The following SEC24D variants were observed in gnomAD, a reference collection of about 807,000 sequenced individuals.
SEC24D encodes SEC24 homolog D, COPII component.
Under a neutral mutation model 116.9 loss-of-function variants are expected in SEC24D, and 69 were observed. The ratio of observed to expected loss-of-function variants is 0.59; its 90% CI spans 0.49 to 0.72. The LOEUF is 0.72. Ranked by LOEUF, SEC24D falls within the 30% of genes least tolerant of loss-of-function variation. SEC24D has a pLI of 0.00. For missense variants in SEC24D, 1,131 were observed against 1,264.1 expected, an observed-to-expected ratio of 0.89 and a Z score of 1.60; for synonymous variants, 405 against 442.8, an observed-to-expected ratio of 0.91 and a Z score of 1.07.
At position 118,740,926 on chromosome 4, in the gene SEC24D, A is replaced by G; in HGVS notation, c.2092+15T>C. The G allele has an allele frequency of 1.3e-6, 2 of 1,587,256 alleles. No individual in the cohort carries two copies. The highest frequency in any genetic ancestry group is 1.1e-5 in the South Asian group (1 of 89,090). On this transcript the variant is annotated intron_variant, in intron 16 of 22. Transcript: ENST00000280551. ...ATTCAAGAGAGACCCGAAGAATTGT[A>G]TAAATGATAATTACCTGTGCTGGTA... is the stretch of plus-strand genomic sequence containing the variant.
At chr4:118,739,083 T>G in intron 18 of SEC24D, 66 bp downstream of exon 18, 1 of 1,534,948 alleles carries the variant, frequency 6.5e-7, no homozygotes, top group Non-Finnish European at 9.0e-7. Flanking sequence ...GCTTTTTAGC[T>G]ACTGACAAAT....
Position 118,731,424 on chromosome 4 carries a change from T to C in SEC24D, c.2760A>G (p.Leu920=). ...ESRLSEEGIF[L]LANGLHMFLW... ...GGAACATGTGTAGACCATTAGCCAGTAAGAATATTCCTTCTTCTGAAAGAC... is the reference window on the plus strand; with the variant it reads ...GGAACATGTGTAGACCATTAGCCAGCAAGAATATTCCTTCTTCTGAAAGAC... Residue 920 remains leucine, a synonymous_variant, in exon 21 of 23, where the codon TTA becomes TTG. Coordinates refer to ENST00000280551, the MANE Select transcript of SEC24D (RefSeq NM_014822.4). 1.2e-6 allele frequency: 2 copies of C among 1,614,058 alleles called. No individual in the cohort carries two copies. Among genetic ancestry groups the C allele is most frequent in the Non-Finnish European group, 1.7e-6 (2 of 1,179,906 alleles).
chr4:118,797,597 TATAGA>T (rs979864196), intron 8 of SEC24D, 81 bp downstream of exon 8: 1 of 1,011,026 alleles, frequency 9.9e-7, no homozygotes, highest in Non-Finnish European at 1.4e-6. Context: ...CTGTTTATAT[TATAGA>T]ATAATGTATA....
intron 2 of SEC24D, among the ~76,000 whole-genome samples, chr4:118,831,968 G>T (rs1459040522): frequency 6.6e-6 from 1 of 152,130 alleles, no homozygotes; most frequent in Non-Finnish European, 1.5e-5. Flanking sequence ...CTTGGGAGGT[G>T]GAGGCGGGTG....
At chr4:118,751,447 G>C (rs1030637835) in intron 13 of SEC24D, among the ~76,000 whole-genome samples, 1 of 152,084 alleles carries the variant, frequency 6.6e-6, no homozygotes, top group African/African-American at 2.4e-5. Context: ...CAAGGTGCTG[G>C]GATTACAGGC....
Position 118,805,872 on chromosome 4 carries a change from AC to A in SEC24D, c.883del (p.Val295SerfsTer6). ...TNTRGQIPPLVTTDCMIQDQG... is the reference protein window; with the variant it reads ...TNTRGQIPPLXTTDCMIQDQG... ...GTCTTGTATCATGCAATCTGTAGTG[AC>A]CAGGGGAGGGATCTGGCCTCTGGTG... On this transcript the variant is annotated frameshift_variant, in exon 7 of 23. Transcript: ENST00000280551. LOFTEE classifies it high-confidence loss of function. The A allele has an allele frequency of 6.3e-7, 1 of 1,585,708 alleles. No homozygotes were observed. Among genetic ancestry groups the A allele is most frequent in the South Asian group, 1.2e-5 (1 of 83,822 alleles).
At chr4:118,771,162 T>C (rs1475997509) in intron 8 of SEC24D, among the ~76,000 whole-genome samples, 4 of 152,176 alleles carry the variant, frequency 2.6e-5, no homozygotes, top group African/African-American at 9.6e-5. Flanking sequence ...TCGATCTTGG[T>C]GTGCATGGCT....
rs757081338 is a variant in SEC24D at position 118,723,581 on chromosome 4, G to A, written c.3033C>T (p.Tyr1011=). 5.6e-6 allele frequency: 9 copies of A among 1,613,672 alleles called. No homozygotes were observed. The highest frequency in any genetic ancestry group is 2.2e-5 in the South Asian group (2 of 91,046). ...RQFLVEDKGL[Y]GGSSYVDFLC... ...GGAAATCCACATAAGAAGAGCCTCC[G>A]TAAAGTCCTTTGTCTTCTACCAGGA... The change falls in exon 23 of 23, where the codon TAC becomes TAT. Residue 1011 remains tyrosine (Y), a synonymous_variant. Transcript: ENST00000280551.
At chr4:118,830,844 T>C (rs1262727236) in intron 2 of SEC24D, among the ~76,000 whole-genome samples, 1 of 152,052 alleles carries the variant, frequency 6.6e-6, no homozygotes, top group East Asian at 1.9e-4. Context: ...AAGACAGTAT[T>C]GGAGAGAGGG....
intron 8 of SEC24D, among the ~76,000 whole-genome samples, chr4:118,791,830 A>T (rs1054986622): frequency 8.6e-5 from 13 of 152,014 alleles, no homozygotes; most frequent in African/African-American, 2.9e-4. Context: ...TCAGCGCTCA[A>T]TGTTGCCCAG....
At chr4:118,752,566 TAG>T (rs1298676571) in intron 12 of SEC24D, 129 bp downstream of exon 12, 3 of 621,308 alleles carry the variant, frequency 4.8e-6, no homozygotes, top group Non-Finnish European at 8.0e-6. Context: ...ACATAAATGA[TAG>T]AGTTTTATAA....
chr4:118,724,691 T>A (rs1445190908), intron 22 of SEC24D, among the ~76,000 whole-genome samples: 5 of 152,216 alleles, frequency 3.3e-5, no homozygotes, highest in African/African-American at 9.6e-5. Context: ...GGCAGTTTTG[T>A]CATGAACACT....
chr4:118,803,317 C>G (rs533998621), intron 7 of SEC24D, among the ~76,000 whole-genome samples: 2 of 152,278 alleles, frequency 1.3e-5, no homozygotes, highest in Admixed American at 1.3e-4. Context: ...CCTCAAAAAA[C>G]AAAAAGCTAT....
chr4:118,762,204 G>A (rs181553637), intron 10 of SEC24D, among the ~76,000 whole-genome samples: 144 of 151,992 alleles, frequency 9.5e-4, no homozygotes, highest in Non-Finnish European at 2.5e-4. Flanking sequence ...TCAGTTATAT[G>A]GCAAAGCTGA....
intron 10 of SEC24D, among the ~76,000 whole-genome samples, chr4:118,761,925 T>C (rs961150968): frequency 6.6e-6 from 1 of 152,214 alleles, no homozygotes; most frequent in Non-Finnish European, 1.5e-5. Context: ...TGAGTTTATA[T>C]GAAAACTATA....
intron 6 of SEC24D, among the ~76,000 whole-genome samples, chr4:118,809,127 C>A (rs1402964116): frequency 6.6e-6 from 1 of 152,142 alleles, no homozygotes; most frequent in Non-Finnish European, 1.5e-5. Flanking sequence ...GCATGCACTA[C>A]CACGCCCGGC....
chr4:118,793,110 C>T (rs1378723433), intron 8 of SEC24D, among the ~76,000 whole-genome samples: 1 of 152,050 alleles, frequency 6.6e-6, no homozygotes, highest in Non-Finnish European at 1.5e-5. Context: ...TAAATGTTCC[C>T]TGCCTGTGAC....
At chr4:118,802,648 AC>A (rs1173427097) in intron 7 of SEC24D, among the ~76,000 whole-genome samples, 3 of 152,284 alleles carry the variant, frequency 2.0e-5, no homozygotes, top group Non-Finnish European at 4.4e-5. Flanking sequence ...GATGACTGAG[AC>A]CCTGCCACCT....
rs1730147149 is a variant in SEC24D at position 118,816,361 on chromosome 4, A to C, written c.398-635T>G. On this transcript the variant is annotated intron_variant, in intron 4 of 22. Transcript: ENST00000280551. ...GCATCTGTATCTGGTACAAATCTAG[A>C]AAATCATATAAAAATTCTATTACAT... Among the ~76,000 whole-genome samples, 4 of 152,334 alleles carry C rather than the reference A, an allele frequency of 2.6e-5. No homozygotes were observed. The South Asian group carries it at 8.3e-4, about 32-fold the overall frequency.
Sources: allele counts gnomAD v4.1 joint callset (sites outside exome capture counted in the v4.1 genomes callset), GRCh38; gene constraint gnomAD v4.1.1; transcripts MANE v1.5; gene names NCBI Gene and HGNC (gene_info 2026-07-23, HGNC 2026-07-21).